Variants in ASH2L observed in about 807,000 individuals in gnomAD.
The protein encoded by ASH2L is set1/Ash2 histone methyltransferase complex subunit ASH2.
ASH2L carries 30 observed loss-of-function variants against 81.1 expected under a neutral mutation model. The ratio of observed to expected loss-of-function variants is 0.37; its 90% CI spans 0.28 to 0.50. The LOEUF (loss-of-function observed/expected upper bound fraction) is 0.50. Ranked by LOEUF, ASH2L falls within the 20% of genes least tolerant of loss-of-function variation. The pLI, the probability that ASH2L is intolerant of heterozygous loss-of-function variation, is 0.95. For missense variants in ASH2L, 559 were observed against 792.1 expected, an observed-to-expected ratio of 0.71 and a Z score of 3.53; for synonymous variants, 273 against 279.9, an observed-to-expected ratio of 0.98 and a Z score of 0.24.
At chr8:38,113,141 G>T (rs538629115) in intron 5 of ASH2L, among the ~76,000 whole-genome samples, 1 of 151,904 alleles carries the variant, frequency 6.6e-6, no homozygotes, top group Non-Finnish European at 1.5e-5. Context: ...GCTGATTTTT[G>T]TATTTTTTGG....
intron 14 of ASH2L, 186 bp from the exon 15 acceptor site, chr8:38,138,630 A>G (rs1802363747): frequency 3.6e-6 from 2 of 555,412 alleles, no homozygotes; most frequent in South Asian, 2.5e-5. Flanking sequence ...TCTTTTAGTT[A>G]CCTAATTCTT....
chr8:38,119,230 C>T (rs1342695667), intron 8 of ASH2L, 40 bp from the exon 9 acceptor site: 1 of 1,526,748 alleles, frequency 6.5e-7, no homozygotes. Context: ...ATGGTGTTTC[C>T]CTTGTGGCTC....
chr8:38,136,031 A>T (rs1022545108), intron 14 of ASH2L, among the ~76,000 whole-genome samples: 2 of 151,882 alleles, frequency 1.3e-5, no homozygotes, highest in East Asian at 3.9e-4. Flanking sequence ...GGAAGGATAT[A>T]AATACACATA....
At chr8:38,130,797 C>T (rs1044187438) in intron 12 of ASH2L, among the ~76,000 whole-genome samples, 1 of 152,092 alleles carries the variant, frequency 6.6e-6, no homozygotes, top group East Asian at 1.9e-4. Context: ...CAGGGTTTCA[C>T]CATGTTGGTC....
chr8:38,137,151 G>C (rs1004874318), intron 14 of ASH2L, among the ~76,000 whole-genome samples: 4 of 151,822 alleles, frequency 2.6e-5, no homozygotes, highest in Non-Finnish European at 5.9e-5. Context: ...TGTAATCCCA[G>C]CACTTTGGTG....
chr8:38,124,598 C>T (rs1051777350), intron 10 of ASH2L: 6 of 152,260 alleles, frequency 3.9e-5, no homozygotes, highest in African/African-American at 1.4e-4. Context: ...TCACTGCAGC[C>T]TCAACCTTTC....
chr8:38,126,306 G>A (rs772681063), intron 10 of ASH2L, among the ~76,000 whole-genome samples: 1 of 152,156 alleles, frequency 6.6e-6, no homozygotes, highest in Admixed American at 6.5e-5. Flanking sequence ...ATGAAAGGTT[G>A]AGGAACTGTT....
At chr8:38,115,969 G>A (rs1164175505) in intron 7 of ASH2L, among the ~76,000 whole-genome samples, 1 of 152,200 alleles carries the variant, frequency 6.6e-6, no homozygotes, top group Non-Finnish European at 1.5e-5. Flanking sequence ...GCTCACGCCT[G>A]TAATCCCAGC....
intron 3 of ASH2L, among the ~76,000 whole-genome samples, chr8:38,109,890 C>A (rs1237219419): frequency 6.6e-6 from 1 of 152,104 alleles, no homozygotes; most frequent in Non-Finnish European, 1.5e-5. Context: ...ATAAACTTAA[C>A]GAGATACCAG....
Position 38,128,610 on chromosome 8 carries a change from T to A in ASH2L, c.1334-148T>A, listed in dbSNP as rs528698116. On this transcript the variant is annotated intron_variant, in intron 11 of 15. Transcript: ENST00000343823. ...AGCTGGTTTGCTATTCCCGGGATAT[T>A]TTTGTAATTCTTTGCTTGTGAGAAA... The A allele has an allele frequency of 5.5e-6, 8 of 1,460,700 alleles. No individual in the cohort carries two copies. In the East Asian group the frequency reaches 1.9e-4, roughly 34 times the overall value. The allele number at this position is 1,460,700 out of a possible 1,614,324, so 90.5% of individuals were successfully genotyped here. A position where few individuals can be genotyped will look rare whatever the true frequency, so the allele number is the denominator to read the frequency against.
intron 3 of ASH2L, among the ~76,000 whole-genome samples, chr8:38,107,622 A>C (rs573236814): frequency 6.6e-6 from 1 of 151,614 alleles, no homozygotes; most frequent in Non-Finnish European, 1.5e-5. Flanking sequence ...TATATTGTCT[A>C]CTCTCCTCAG....
rs1801940341 is a variant in ASH2L at position 38,128,383 on chromosome 8, G to C, written c.1258G>C (p.Ala420Pro). The change falls in exon 11 of 16, where the codon GCC (alanine) becomes CCC (proline). Residue 420 changes from alanine (A) to proline (P), a missense_variant. Around this residue, in one of 4 missense-constraint regions of ASH2L, gnomAD observed 318 missense variants for 527.0 expected, o/e 0.60. Transcript: ENST00000343823. Reference sequence around the variant, plus strand: ...GGCCTCTCATGGAGTACGGAAAGGTGCCTGGTATTTTGAAATCACTGTGGA... The same window carrying C: ...GGCCTCTCATGGAGTACGGAAAGGTCCCTGGTATTTTGAAATCACTGTGGA... Reference protein sequence around the residue: ...VRASHGVRKGAWYFEITVDEM... With the variant: ...VRASHGVRKGPWYFEITVDEM... 3 of 1,614,036 alleles carry C rather than the reference G, an allele frequency of 1.9e-6. No individual in the cohort carries two copies. The South Asian group carries it at 3.3e-5, about 18-fold the overall frequency.
chr8:38,136,375 G>GTT (rs10674457), intron 14 of ASH2L, among the ~76,000 whole-genome samples: 131,464 of 145,658 alleles, frequency 0.9, 59,854 homozygotes, highest in Non-Finnish European at 0.98. Flanking sequence ...CATCTGGCAA[G>GTT]TTTTTTTTTT....
chr8:38,107,120 AT>A lies in ASH2L; in HGVS notation c.358del (p.Cys120ValfsTer12), dbSNP rs749938935. 1 of 1,614,156 alleles carries A rather than the reference AT, an allele frequency of 6.2e-7. No homozygotes were observed. Among genetic ancestry groups the A allele is most frequent in the Non-Finnish European group, 8.5e-7 (1 of 1,180,022 alleles). On this transcript the variant is annotated frameshift_variant, in exon 3 of 16. Coordinates refer to ENST00000343823, the MANE Select transcript of ASH2L (RefSeq NM_004674.5). LOFTEE classifies it high-confidence loss of function. ...GGGTGAGGTAGAGCTGCAATGTGGGATTTGTACAAAATGGTTCACGGCTGAC... is the reference window on the plus strand; with the variant it reads ...GGGTGAGGTAGAGCTGCAATGTGGGATTGTACAAAATGGTTCACGGCTGAC... The part of the protein sequence containing the change: ...QLGEVELQCG[I>X]CTKWFTADTF...
At chr8:38,112,238 ATCC>A (rs1408743045) in intron 5 of ASH2L, among the ~76,000 whole-genome samples, 1 of 152,122 alleles carries the variant, frequency 6.6e-6, no homozygotes. Context: ...GGTTCAAGTG[ATCC>A]TCCTGCTTTG....
chr8:38,126,058 C>A (rs1298646501), intron 10 of ASH2L, among the ~76,000 whole-genome samples: 1 of 151,966 alleles, frequency 6.6e-6, no homozygotes, highest in Non-Finnish European at 1.5e-5. Flanking sequence ...GAAAAATTAG[C>A]CAGGCATGAT....
intron 10 of ASH2L, among the ~76,000 whole-genome samples, chr8:38,126,837 G>C (rs1801864949): frequency 1.3e-5 from 1 of 78,054 alleles, no homozygotes; most frequent in African/African-American, 4.8e-5. Flanking sequence ...CTGGGCAAAA[G>C]AGCGAGACTC....
rs187287824 is a variant in ASH2L at position 38,108,845 on chromosome 8, C to T, written c.402-1534C>T. Among the ~76,000 whole-genome samples the T allele has an allele frequency of 6.0e-4, 92 of 152,078 alleles. 1 individual carries two copies. In the East Asian group the frequency reaches 0.013, roughly 22 times the overall value. The stretch of plus-strand genomic sequence containing the variant: ...CTGTAATCCCAGCACTTTAGGAGGC[C>T]GAGACAGGAGAATGACGTGAGCCCA... On this transcript the variant is annotated intron_variant, in intron 3 of 15. Coordinates refer to ENST00000343823, the MANE Select transcript of ASH2L (RefSeq NM_004674.5).
chr8:38,106,435 A>G lies in ASH2L; in HGVS notation c.246A>G (p.Lys82=). 1 of 1,613,422 alleles carries G rather than the reference A, an allele frequency of 6.2e-7. No individual in the cohort carries two copies. Among genetic ancestry groups the G allele is most frequent in the Non-Finnish European group, 8.5e-7 (1 of 1,179,416 alleles). The change falls in exon 2 of 16, where the codon AAA becomes AAG. Residue 82 remains lysine (K), a synonymous_variant. Transcript: ENST00000343823. ...GGLETESSNG[K]DTLEGAGDTS... ...TGGAGACAGAATCATCTAATGGAAAAGATACACTAGTAAGTATTTTTAGTT... is the reference window on the plus strand; with the variant it reads ...TGGAGACAGAATCATCTAATGGAAAGGATACACTAGTAAGTATTTTTAGTT...
Sources: allele counts gnomAD v4.1 joint callset (sites outside exome capture counted in the v4.1 genomes callset), GRCh38; gene constraint gnomAD v4.1.1; regional missense constraint gnomAD v4.1.1; transcripts MANE v1.5; gene names NCBI Gene and HGNC (gene_info 2026-07-23, HGNC 2026-07-21).